The following SLC25A12 variants were observed in gnomAD, a reference collection of about 807,000 sequenced individuals.
The protein encoded by SLC25A12 is solute carrier family 25 member 12, also known as electrogenic aspartate/glutamate antiporter SLC25A12, mitochondrial.
In SLC25A12, 32 loss-of-function variants were observed where a neutral mutation model predicts 83.3. The observed-to-expected ratio is 0.38, with a 90% CI of 0.29 to 0.52. SLC25A12 has a LOEUF of 0.52. SLC25A12 is among the 20% of genes least tolerant of loss of function. The probability of loss-of-function intolerance (pLI) is 0.84; values close to 1 mark genes in which losing one functional copy is unlikely to be tolerated. For missense variants in SLC25A12, 611 were observed against 835.6 expected, an observed-to-expected ratio of 0.73 and a Z score of 3.31; for synonymous variants, 267 against 291.1, an observed-to-expected ratio of 0.92 and a Z score of 0.84.
chr2:171,834,360 CA>C, intron 7 of SLC25A12: 2 of 425,210 alleles, frequency 4.7e-6, no homozygotes, highest in Non-Finnish European at 8.5e-6. Context: ...AGTTATAATA[CA>C]AAAAAAGTGG....
chr2:171,860,964 G>A (rs1022835706), intron 3 of SLC25A12, among the ~76,000 whole-genome samples: 3 of 152,050 alleles, frequency 2.0e-5, no homozygotes, highest in South Asian at 2.1e-4. Context: ...TGAGGCAGGC[G>A]CCTGTGGTCC....
At chr2:171,844,579 C>T in intron 4 of SLC25A12, 71 bp from the exon 5 acceptor site, 1 of 1,104,276 alleles carries the variant, frequency 9.1e-7, no homozygotes, top group Non-Finnish European at 1.3e-6. Context: ...AATGTTCCTA[C>T]AGAAAAAAAT....
chr2:171,836,556 G>A (rs554928014), intron 6 of SLC25A12, among the ~76,000 whole-genome samples: 7 of 152,208 alleles, frequency 4.6e-5, no homozygotes. Flanking sequence ...CACAGAGGCT[G>A]ATGGCCACAT....
At chr2:171,802,406 ATGAG>A (rs1228594745) in intron 13 of SLC25A12, among the ~76,000 whole-genome samples, 3 of 150,498 alleles carry the variant, frequency 2.0e-5, no homozygotes, top group African/African-American at 4.8e-5. Context: ...TAAATTCTGA[ATGAG>A]TAAGTTTGTT....
At chr2:171,883,575 C>T (rs1216234671) in intron 2 of SLC25A12, among the ~76,000 whole-genome samples, 1 of 151,914 alleles carries the variant, frequency 6.6e-6, no homozygotes, top group Non-Finnish European at 1.5e-5. Context: ...AGGCCATTTA[C>T]CCCCATACTT....
At chr2:171,826,532 C>A (rs1684303050) in intron 9 of SLC25A12, among the ~76,000 whole-genome samples, 1 of 152,018 alleles carries the variant, frequency 6.6e-6, no homozygotes, top group Non-Finnish European at 1.5e-5. Context: ...TCTCTTGAAC[C>A]CAGAAGGCAG....
In SLC25A12 at chr2:171,789,480, G is replaced by C. The variant is rs1350096658; in HGVS notation, c.1586-1533C>G. Reference sequence around the variant, plus strand: ...CCTGACCTCGTGATCTGCCCGCCTTGGCCTCCCAAAGTGCTGGGATTACAG... The same window carrying C: ...CCTGACCTCGTGATCTGCCCGCCTTCGCCTCCCAAAGTGCTGGGATTACAG... On this transcript the variant is annotated intron_variant, in intron 15 of 17. Transcript: ENST00000422440. Among the ~76,000 whole-genome samples the C allele has an allele frequency of 2.6e-5, 4 of 152,066 alleles. No individual in the cohort carries two copies. In the East Asian group the frequency reaches 7.8e-4, roughly 29 times the overall value.
chr2:171,877,738 G>T (rs1204743746), intron 2 of SLC25A12, among the ~76,000 whole-genome samples: 1 of 149,732 alleles, frequency 6.7e-6, no homozygotes, highest in African/African-American at 2.4e-5. Flanking sequence ...TACAAAGACT[G>T]ACACACAACC....
chr2:171,821,469 T>C (rs1574698488), intron 9 of SLC25A12, among the ~76,000 whole-genome samples: 1 of 152,336 alleles, frequency 6.6e-6, no homozygotes, highest in Non-Finnish European at 1.5e-5. Flanking sequence ...GCTAGCAATT[T>C]CCATTCCTTC....
intron 13 of SLC25A12, among the ~76,000 whole-genome samples, chr2:171,794,813 A>T (rs1683566546): frequency 6.6e-6 from 1 of 152,242 alleles, no homozygotes; most frequent in Admixed American, 6.5e-5. Context: ...ATATCATTAT[A>T]ATCATTGTAT....
intron 13 of SLC25A12, among the ~76,000 whole-genome samples, chr2:171,809,008 T>C (rs986576032): frequency 3.3e-5 from 5 of 152,206 alleles, no homozygotes; most frequent in African/African-American, 9.7e-5. Context: ...TGCAGCTTCA[T>C]CCATGTCCCT....
chr2:171,860,180 A>G (rs1685125165), intron 3 of SLC25A12, among the ~76,000 whole-genome samples: 1 of 152,294 alleles, frequency 6.6e-6, no homozygotes, highest in East Asian at 1.9e-4. Context: ...TTAACACGAT[A>G]AAAAAAGTCA....
chr2:171,888,093 CCTTTTTTTTTTTTTTTTT>C (rs1419112740), intron 2 of SLC25A12, among the ~76,000 whole-genome samples: 1 of 148,908 alleles, frequency 6.7e-6, no homozygotes, highest in Non-Finnish European at 1.5e-5. Flanking sequence ...TTTCTTTTTT[CCTTTTTTTTTTTTTTTTT>C]GGAGACAAAG....
chr2:171,788,190 T>C, intron 15 of SLC25A12: 1 of 457,540 alleles, frequency 2.2e-6, no homozygotes, highest in Non-Finnish European at 3.9e-6. Context: ...CATTGCATGA[T>C]CCCAAATAAC....
chr2:171,804,618 T>C (rs759129658), intron 13 of SLC25A12, among the ~76,000 whole-genome samples: 1 of 152,190 alleles, frequency 6.6e-6, no homozygotes, highest in African/African-American at 2.4e-5. Flanking sequence ...AGTATATTAA[T>C]AGTTGCCTAG....
At chr2:171,865,243 GCTTTT>G (rs1330187773) in intron 3 of SLC25A12, among the ~76,000 whole-genome samples, 1 of 152,046 alleles carries the variant, frequency 6.6e-6, no homozygotes, top group Non-Finnish European at 1.5e-5. Flanking sequence ...ATAAAATGAG[GCTTTT>G]CCCGTGAAAT....
chr2:171,839,836 GT>G (rs1168613349), intron 5 of SLC25A12, among the ~76,000 whole-genome samples: 1 of 152,148 alleles, frequency 6.6e-6, no homozygotes, highest in Non-Finnish European at 1.5e-5. Context: ...GATGGTGAAG[GT>G]GGAGCTGAAA....
intron 2 of SLC25A12, among the ~76,000 whole-genome samples, chr2:171,886,708 C>T (rs1051773423): frequency 1.3e-5 from 2 of 152,006 alleles, no homozygotes; most frequent in African/African-American, 4.8e-5. Flanking sequence ...GACAGGGTTT[C>T]ACCATGTTAG....
intron 4 of SLC25A12, among the ~76,000 whole-genome samples, chr2:171,850,074 G>C (rs1389136621): frequency 6.6e-6 from 1 of 151,860 alleles, no homozygotes; most frequent in African/African-American, 2.4e-5. Flanking sequence ...AAAGTACTGG[G>C]ATTATAGGCA....
Sources: allele counts gnomAD v4.1 joint callset (sites outside exome capture counted in the v4.1 genomes callset), GRCh38; gene constraint gnomAD v4.1.1; transcripts MANE v1.5; gene names NCBI Gene and HGNC (gene_info 2026-07-23, HGNC 2026-07-21).